The following KIAA1217 variants were observed in gnomAD, a reference collection of about 807,000 sequenced individuals.
KIAA1217 encodes KIAA1217.
In KIAA1217, 88 loss-of-function variants were observed where a neutral mutation model predicts 163.9. That is an observed-to-expected ratio of 0.54 (90% CI 0.45 to 0.64). The LOEUF is 0.64. Among genes scored for constraint, KIAA1217 ranks in the 30% least tolerant of loss-of-function variants. The pLI is 0.00. For synonymous variants in KIAA1217, 903 were observed against 923.1 expected, an observed-to-expected ratio of 0.98 and a Z score of 0.39; for missense variants, 2,372 against 2,475.0, an observed-to-expected ratio of 0.96 and a Z score of 0.88.
chr10:23,919,437 C>T (rs1339953692), intron 1 of KIAA1217, among the ~76,000 whole-genome samples: 2 of 151,710 alleles, frequency 1.3e-5, no homozygotes, highest in Non-Finnish European at 1.5e-5. Flanking sequence ...GAAACCCCAT[C>T]TCTACTAAAA....
intron 4 of KIAA1217, among the ~76,000 whole-genome samples, chr10:24,437,846 T>G (rs1339608812): frequency 6.7e-6 from 1 of 148,962 alleles, no homozygotes; most frequent in Admixed American, 6.7e-5. Flanking sequence ...TGGTACTGTT[T>G]TTTTTTTTTT....
At chr10:24,164,878 C>G (rs2065274776) in intron 2 of KIAA1217, among the ~76,000 whole-genome samples, 1 of 152,248 alleles carries the variant, frequency 6.6e-6, no homozygotes, top group Non-Finnish European at 1.5e-5. Flanking sequence ...TCAATGGATG[C>G]CATGCTCATT....
chr10:24,405,946 A>G (rs555302040), intron 3 of KIAA1217, among the ~76,000 whole-genome samples: 9 of 152,248 alleles, frequency 5.9e-5, no homozygotes, highest in Non-Finnish European at 1.0e-4. Context: ...CTTACATTTT[A>G]TAGAATGAAA....
At chr10:24,259,646 C>T (rs187061762) in intron 2 of KIAA1217, among the ~76,000 whole-genome samples, 8 of 152,276 alleles carry the variant, frequency 5.3e-5, no homozygotes, top group African/African-American at 1.2e-4. Context: ...ACGGTGAAAG[C>T]GAGTCCTGCT....
chr10:24,520,645 A>AAG (rs1554926752), intron 11 of KIAA1217, among the ~76,000 whole-genome samples: 166 of 86,448 alleles, frequency 1.9e-3, no homozygotes, highest in African/African-American at 8.7e-3. Flanking sequence ...AAAAAAAAAA[A>AAG]AAAAAAATAT....
chr10:23,837,973 T>C (rs905238841), intron 1 of KIAA1217, among the ~76,000 whole-genome samples: 3 of 152,174 alleles, frequency 2.0e-5, no homozygotes, highest in Admixed American at 6.6e-5. Flanking sequence ...GACCCATTCC[T>C]TCAACAAAAC....
intron 2 of KIAA1217, among the ~76,000 whole-genome samples, chr10:24,138,085 T>G (rs1350490814): frequency 6.6e-6 from 1 of 152,206 alleles, no homozygotes; most frequent in Non-Finnish European, 1.5e-5. Context: ...CTTTCCAACC[T>G]TAGTATTATG....
At chr10:23,795,149 CTT>C (rs1163647129) in intron 1 of KIAA1217, among the ~76,000 whole-genome samples, 2 of 152,212 alleles carry the variant, frequency 1.3e-5, no homozygotes, top group Non-Finnish European at 2.9e-5. Flanking sequence ...CTTTAGTAAT[CTT>C]TATTGACAAT....
intron 2 of KIAA1217, among the ~76,000 whole-genome samples, chr10:24,256,462 A>G (rs2075170027): frequency 6.6e-6 from 1 of 152,226 alleles, no homozygotes; most frequent in Admixed American, 6.5e-5. Flanking sequence ...TGCAGGTGAT[A>G]AGGCTTGCTA....
At chr10:24,487,198 T>G (rs982374453) in intron 6 of KIAA1217, among the ~76,000 whole-genome samples, 2 of 152,370 alleles carry the variant, frequency 1.3e-5, no homozygotes. Flanking sequence ...TAAGAACTTG[T>G]TCTTCCGCAG....
chr10:24,299,716 G>T (rs539543093), intron 2 of KIAA1217, among the ~76,000 whole-genome samples: 144 of 152,220 alleles, frequency 9.5e-4, no homozygotes, highest in African/African-American at 3.3e-3. Flanking sequence ...TTCCTTTTCA[G>T]TAGTCACTTT....
intron 2 of KIAA1217, among the ~76,000 whole-genome samples, chr10:24,110,993 G>A (rs750127739): frequency 2.2e-4 from 34 of 152,190 alleles, no homozygotes; most frequent in Non-Finnish European, 3.4e-4. Flanking sequence ...TTTAGCTACA[G>A]AGGGCATTGT....
intron 2 of KIAA1217, among the ~76,000 whole-genome samples, chr10:24,014,342 A>C (rs1847380512): frequency 6.6e-6 from 1 of 152,302 alleles, no homozygotes; most frequent in Middle Eastern, 3.4e-3. Flanking sequence ...ATTCAGGCAT[A>C]AGGTAATTTG....
At chr10:24,403,261 A>G (rs1002774530) in intron 3 of KIAA1217, among the ~76,000 whole-genome samples, 3 of 152,002 alleles carry the variant, frequency 2.0e-5, no homozygotes, top group African/African-American at 7.2e-5. Context: ...GTTTTGACAC[A>G]AAGTTTTGCT....
At chr10:24,341,948 G>A (rs2047153514) in intron 2 of KIAA1217, among the ~76,000 whole-genome samples, 1 of 152,064 alleles carries the variant, frequency 6.6e-6, no homozygotes, top group African/African-American at 2.4e-5. Flanking sequence ...AATTGATGTT[G>A]TTTGAAAAGA....
upstream of KIAA1217, among the ~76,000 whole-genome samples, chr10:24,206,955 G>A (rs775850211): frequency 6.6e-6 from 1 of 152,256 alleles, no homozygotes. Flanking sequence ...GTCAACAGAG[G>A]CCTGAAAGAC....
At chr10:24,163,695 T>G (rs1168042103) in intron 2 of KIAA1217, among the ~76,000 whole-genome samples, 1 of 152,198 alleles carries the variant, frequency 6.6e-6, no homozygotes, top group Non-Finnish European at 1.5e-5. Context: ...TAAACCACAT[T>G]AGGAAGGTAT....
chr10:23,940,764 G>A (rs947498530), intron 1 of KIAA1217, among the ~76,000 whole-genome samples: 1 of 152,150 alleles, frequency 6.6e-6, no homozygotes, highest in African/African-American at 2.4e-5. Context: ...GGGAATTATT[G>A]ATTTAACAAT....
At chr10:24,424,703 A>G (rs555346571) in intron 3 of KIAA1217, among the ~76,000 whole-genome samples, 6 of 152,318 alleles carry the variant, frequency 3.9e-5, no homozygotes, top group African/African-American at 1.4e-4. Context: ...CCCAGGTTCA[A>G]GCAATTCTCA....
Sources: allele counts gnomAD v4.1 joint callset (sites outside exome capture counted in the v4.1 genomes callset), GRCh38; gene constraint gnomAD v4.1.1; transcripts MANE v1.5; gene names NCBI Gene and HGNC (gene_info 2026-07-23, HGNC 2026-07-21).